Variants in NR1I2 observed in about 807,000 individuals in gnomAD.
NR1I2 encodes the protein orphan nuclear receptor PAR1.
Under a neutral mutation model 43.3 loss-of-function variants are expected in NR1I2, and 42 were observed. The ratio of observed to expected loss-of-function variants is 0.97; its 90% CI spans 0.76 to 1.26. The LOEUF is 1.26. Ranked by LOEUF, NR1I2 falls within the 50% of genes most tolerant of loss-of-function variation. The pLI, the probability that NR1I2 is intolerant of heterozygous loss-of-function variation, is 0.00. For synonymous variants in NR1I2, 229 were observed against 215.0 expected (o/e 1.06, Z -0.57); for missense variants, 559 against 566.7 (o/e 0.99, Z 0.14).
chr3:119,814,926 T>A (rs6797879), intron 5 of NR1I2, 53 bp from the exon 6 acceptor site: 1 of 1,612,146 alleles, frequency 6.2e-7, no homozygotes, highest in Non-Finnish European at 8.5e-7. Context: ...CTGGTGCCGG[T>A]CTGTGGGCTG....
At chr3:119,816,076 C>CTGA (rs1357330828) in intron 8 of NR1I2, among the ~76,000 whole-genome samples, 1 of 152,240 alleles carries the variant, frequency 6.6e-6, no homozygotes, top group African/African-American at 2.4e-5. Context: ...CTGTGACCTA[C>CTGA]TGCCCAGACT....
intron 1 of NR1I2, among the ~76,000 whole-genome samples, chr3:119,784,575 C>G (rs2054819199): frequency 6.6e-6 from 1 of 152,092 alleles, no homozygotes; most frequent in Admixed American, 6.5e-5. Flanking sequence ...TTCCCTCTTT[C>G]TGGATTTTAC....
intron 1 of NR1I2, among the ~76,000 whole-genome samples, chr3:119,797,053 C>T (rs977309241): frequency 6.6e-5 from 10 of 152,196 alleles, no homozygotes; most frequent in East Asian, 5.8e-4. Flanking sequence ...AGGAGGCTGC[C>T]GGCTAGCTGG....
intron 2 of NR1I2, among the ~76,000 whole-genome samples, chr3:119,809,098 C>T (rs969607636): frequency 6.6e-6 from 1 of 152,230 alleles, no homozygotes; most frequent in East Asian, 1.9e-4. Flanking sequence ...CCTCTGCAGC[C>T]CTACCTGGCT....
intron 5 of NR1I2, 135 bp from the exon 6 acceptor site, chr3:119,814,844 C>G (rs2055295578): frequency 3.7e-6 from 4 of 1,095,174 alleles, no homozygotes; most frequent in Admixed American, 3.9e-5. Context: ...ACAGCAGCCA[C>G]AGTCATCCTC....
At chr3:119,782,579 A>G (rs938527555) in intron 1 of NR1I2, 11 of 601,808 alleles carry the variant, frequency 1.8e-5, no homozygotes, top group Admixed American at 1.7e-4. Flanking sequence ...TGCATGAGTT[A>G]CCACAAGTCA....
At chr3:119,792,988 G>A (rs969572147) in intron 1 of NR1I2, among the ~76,000 whole-genome samples, 8 of 152,018 alleles carry the variant, frequency 5.3e-5, no homozygotes, top group African/African-American at 1.9e-4. Context: ...TGGTACCCTC[G>A]GTAATGAGTG....
In NR1I2 at chr3:119,792,167, G is replaced by A. The variant is rs549910197; in HGVS notation, c.-23+9867G>A. 7 of 943,666 alleles carry A rather than the reference G, an allele frequency of 7.4e-6. No individual in the cohort carries two copies. In the East Asian group the frequency reaches 1.4e-4, roughly 19 times the overall value. 58.5% of individuals were successfully genotyped at this position (943,666 alleles called of 1,614,324 possible). A position where few individuals can be genotyped will look rare whatever the true frequency, so the allele number is the denominator to read the frequency against. ...CCAGGATCGGAGAAGACTATGATGA[G>A]CGTGTGCTGCCATCCATCACTACTG... On this transcript the variant is annotated intron_variant, in intron 1 of 8. Transcript: ENST00000393716.
Position 119,815,765 on chromosome 3 carries a change from T to C in NR1I2, c.1094T>C (p.Leu365Pro). The C allele has an allele frequency of 6.2e-7, 1 of 1,613,854 alleles. No individual in the cohort carries two copies. The highest frequency in any genetic ancestry group is 1.3e-5 in the African/African-American group (1 of 75,062). ...CTGCAGCACCGCGTGGTGGACCAGCTGCAGGAGCAATTCGCCATTACTCTG... is the reference window on the plus strand; with the variant it reads ...CTGCAGCACCGCGTGGTGGACCAGCCGCAGGAGCAATTCGCCATTACTCTG... The change falls in exon 8 of 9, where the codon CTG (leucine) becomes CCG (proline). Residue 365 changes from leucine (L) to proline (P), a missense_variant. Leu to Pro is a moderately conservative substitution (Grantham distance 98, BLOSUM62 -3). Transcript: ENST00000393716.
At chr3:119,816,178 A>G (rs1472929166) in intron 8 of NR1I2, among the ~76,000 whole-genome samples, 4 of 152,214 alleles carry the variant, frequency 2.6e-5, no homozygotes, top group Non-Finnish European at 5.9e-5. Context: ...GTGTGAACCT[A>G]TAAACTGAAA....
intron 5 of NR1I2, among the ~76,000 whole-genome samples, chr3:119,814,470 C>A (rs1317664693): frequency 6.6e-6 from 1 of 152,194 alleles, no homozygotes; most frequent in Non-Finnish European, 1.5e-5. Flanking sequence ...AAGCAAACAT[C>A]CCCACTACTG....
At chr3:119,800,830 G>A (rs1172731339) in intron 1 of NR1I2, among the ~76,000 whole-genome samples, 3 of 152,208 alleles carry the variant, frequency 2.0e-5, no homozygotes, top group African/African-American at 7.2e-5. Flanking sequence ...GGAGTCCCAT[G>A]GCATGGAGGG....
At chr3:119,785,163 G>T (rs1220932659) in intron 1 of NR1I2, among the ~76,000 whole-genome samples, 1 of 152,126 alleles carries the variant, frequency 6.6e-6, no homozygotes, top group African/African-American at 2.4e-5. Flanking sequence ...CAGTTGTGTG[G>T]GTTCTATACT....
At chr3:119,815,626 T>C in intron 7 of NR1I2, 100 bp from the exon 8 acceptor site, 1 of 1,153,990 alleles carries the variant, frequency 8.7e-7, no homozygotes, top group Non-Finnish European at 1.3e-6. Context: ...CCTGGGTGAC[T>C]CCAGCTCTGG....
At position 119,811,618 on chromosome 3, in the gene NR1I2, A is replaced by G. The variant is rs1214839100; in HGVS notation, c.411A>G (p.Pro137=). 1 of 1,613,890 alleles carries G rather than the reference A, an allele frequency of 6.2e-7. No individual in the cohort carries two copies. Among genetic ancestry groups the G allele is most frequent in the Non-Finnish European group, 8.5e-7 (1 of 1,179,942 alleles). Residue 137 remains proline, a synonymous_variant, in exon 4 of 9, where the codon CCA becomes CCG. Transcript: ENST00000393716. ...AAAGTGAACGGACAGGGACTCAGCC[A>G]CTGGGAGTGCAGGGGCTGACAGAGG...
At chr3:119,797,322 T>C (rs1375403321) in intron 1 of NR1I2, among the ~76,000 whole-genome samples, 2 of 151,886 alleles carry the variant, frequency 1.3e-5, no homozygotes, top group East Asian at 1.9e-4. Flanking sequence ...AATGGCCTCA[T>C]GAGGAAGCAG....
Position 119,817,287 on chromosome 3 carries a change from A to G in NR1I2, c.*75A>G. ...TCTGAGCCGCCACTCCCGGGCCAAG[A>G]CAGATGGACACTGCCAAGAGCCGAC... is the stretch of plus-strand genomic sequence containing the variant. On this transcript the variant is annotated 3_prime_UTR_variant, in exon 9 of 9. Coordinates refer to ENST00000393716, the MANE Select transcript of NR1I2 (RefSeq NM_003889.4). 6.2e-7 allele frequency: 1 copy of G among 1,605,264 alleles called. No individual in the cohort carries two copies. Among genetic ancestry groups the G allele is most frequent in the Non-Finnish European group, 8.5e-7 (1 of 1,179,218 alleles).
At chr3:119,785,179 A>G (rs1444891372) in intron 1 of NR1I2, among the ~76,000 whole-genome samples, 1 of 152,234 alleles carries the variant, frequency 6.6e-6, no homozygotes, top group Admixed American at 6.5e-5. Context: ...ATACTGCACA[A>G]TTCTAGGAGA....
intron 1 of NR1I2, among the ~76,000 whole-genome samples, chr3:119,793,757 C>T (rs1577272153): frequency 6.6e-6 from 1 of 152,200 alleles, no homozygotes; most frequent in Non-Finnish European, 1.5e-5. Context: ...TATAAGGAAA[C>T]ATATTCACAT....
Sources: allele counts gnomAD v4.1 joint callset (sites outside exome capture counted in the v4.1 genomes callset), GRCh38; gene constraint gnomAD v4.1.1; transcripts MANE v1.5; gene names NCBI Gene and HGNC (gene_info 2026-07-23, HGNC 2026-07-21).